The following SGCZ variants were observed in gnomAD, a reference collection of about 807,000 sequenced individuals.
SGCZ encodes the protein zeta-sarcoglycan.
In SGCZ, 40 loss-of-function variants were observed where a neutral mutation model predicts 41.3. The observed-to-expected ratio is 0.97, with a 90% confidence interval of 0.75 to 1.26. The LOEUF is 1.26. SGCZ is among the 50% of genes most tolerant of loss of function. SGCZ has a pLI of 0.00. For synonymous variants in SGCZ, 206 were observed against 137.5 expected (o/e 1.50, Z -3.49); for missense variants, 552 against 369.8 (o/e 1.49, Z -4.04).
chr8:14,213,736 A>G (rs544685719), intron 4 of SGCZ, among the ~76,000 whole-genome samples: 10 of 152,258 alleles, frequency 6.6e-5, no homozygotes, highest in African/African-American at 2.4e-4. Flanking sequence ...ATATGTATGA[A>G]TAAAATACTT....
intron 1 of SGCZ, among the ~76,000 whole-genome samples, chr8:14,829,749 G>A (rs1200109037): frequency 1.4e-5 from 2 of 142,364 alleles, no homozygotes; most frequent in Non-Finnish European, 3.0e-5. Flanking sequence ...GATTATTTAA[G>A]GGTTTTTTTA....
intron 1 of SGCZ, among the ~76,000 whole-genome samples, chr8:14,840,810 T>G (rs1320341262): frequency 5.3e-5 from 8 of 151,914 alleles, no homozygotes; most frequent in Non-Finnish European, 1.2e-4. Flanking sequence ...ATGAGACTTT[T>G]TAACCTCTTA....
At chr8:14,863,881 A>G (rs538647532) in intron 1 of SGCZ, among the ~76,000 whole-genome samples, 6 of 152,122 alleles carry the variant, frequency 3.9e-5, no homozygotes, top group African/African-American at 1.4e-4. Flanking sequence ...GAGGGCTGTG[A>G]TCTCTCTTTA....
At chr8:14,261,228 T>C (rs1799656196) in intron 3 of SGCZ, among the ~76,000 whole-genome samples, 1 of 152,180 alleles carries the variant, frequency 6.6e-6, no homozygotes, top group South Asian at 2.1e-4. Context: ...TACAGAGACA[T>C]CTGAGCTGCT....
chr8:14,745,646 CAT>C (rs944641785), intron 1 of SGCZ, among the ~76,000 whole-genome samples: 1 of 151,120 alleles, frequency 6.6e-6, no homozygotes, highest in Non-Finnish European at 1.5e-5. Flanking sequence ...TACACACACA[CAT>C]ATATATATAC....
intron 4 of SGCZ, among the ~76,000 whole-genome samples, chr8:14,223,216 C>A (rs932227720): frequency 1.3e-5 from 2 of 152,002 alleles, no homozygotes; most frequent in African/African-American, 4.8e-5. Flanking sequence ...TTTTCAATAC[C>A]TATACTAATT....
chr8:14,847,182 A>AGAAGAAGAG (rs1413121920), intron 1 of SGCZ, among the ~76,000 whole-genome samples: 69 of 147,314 alleles, frequency 4.7e-4, no homozygotes, highest in Admixed American at 8.7e-4. Context: ...AAGAAGAAGA[A>AGAAGAAGAG]GAAGAGAAAA....
chr8:14,727,886 T>G (rs1395396040), intron 1 of SGCZ, among the ~76,000 whole-genome samples: 1 of 152,134 alleles, frequency 6.6e-6, no homozygotes, highest in African/African-American at 2.4e-5. Context: ...GTTATTTGTG[T>G]TATACACATA....
intron 1 of SGCZ, among the ~76,000 whole-genome samples, chr8:14,628,949 C>T (rs1477024903): frequency 6.6e-6 from 1 of 152,096 alleles, no homozygotes; most frequent in Non-Finnish European, 1.5e-5. Context: ...GTGATTCACC[C>T]CATTTCTGAG....
At chr8:14,981,893 T>C (rs781380468) in intron 1 of SGCZ, among the ~76,000 whole-genome samples, 10 of 152,210 alleles carry the variant, frequency 6.6e-5, no homozygotes, top group Admixed American at 6.5e-5. Context: ...CTCACACCTG[T>C]AATCCCAGCA....
At chr8:14,737,437 C>G (rs1168796061) in intron 1 of SGCZ, among the ~76,000 whole-genome samples, 1 of 152,046 alleles carries the variant, frequency 6.6e-6, no homozygotes, top group African/African-American at 2.4e-5. Flanking sequence ...ATCCAAGTTT[C>G]TTAATTTCAA....
At chr8:14,199,343 C>T (rs187311725) in intron 4 of SGCZ, among the ~76,000 whole-genome samples, 3 of 152,266 alleles carry the variant, frequency 2.0e-5, no homozygotes, top group Admixed American at 6.5e-5. Flanking sequence ...TTTGGTCAGA[C>T]TGGTTGTCTG....
At chr8:14,221,541 C>G (rs549057545) in intron 4 of SGCZ, among the ~76,000 whole-genome samples, 1 of 152,136 alleles carries the variant, frequency 6.6e-6, no homozygotes, top group African/African-American at 2.4e-5. Flanking sequence ...ATTGCAGTTT[C>G]GACATAACAG....
At chr8:14,151,462 CAT>C (rs1803707692) in intron 5 of SGCZ, among the ~76,000 whole-genome samples, 4 of 151,554 alleles carry the variant, frequency 2.6e-5, no homozygotes, top group Admixed American at 6.6e-5. Context: ...AGTGAAAAGA[CAT>C]AACATTTTTA....
chr8:14,366,454 G>T (rs541952977), intron 2 of SGCZ, among the ~76,000 whole-genome samples: 1 of 152,046 alleles, frequency 6.6e-6, no homozygotes, highest in Non-Finnish European at 1.5e-5. Flanking sequence ...TTCCAACCAG[G>T]TCTCTTTCTA....
chr8:14,240,820 T>G (rs1400512674), intron 3 of SGCZ, among the ~76,000 whole-genome samples: 1 of 152,184 alleles, frequency 6.6e-6, no homozygotes, highest in African/African-American at 2.4e-5. Context: ...TGCTCATGCA[T>G]TTGAGGTTTA....
At position 14,501,611 on chromosome 8, in the gene SGCZ, GT is replaced by G. The variant is rs34304255; in HGVS notation, c.234+53120del. 2.1e-3 allele frequency among the ~76,000 whole-genome samples: 296 copies of G among 143,718 alleles called. 2 individuals carry two copies. Among genetic ancestry groups the G allele is most frequent in the African/African-American group, 6.7e-3 (262 of 39,210 alleles). The allele number at this position is 143,718 out of a possible 152,430, so 94.3% of individuals were successfully genotyped here. ...TGAAATTCATGATTTAGTTATCCAGGTTTTTTTTTTTTTCAGGTCCCTCAAA... is the reference window on the plus strand; with the variant it reads ...TGAAATTCATGATTTAGTTATCCAGGTTTTTTTTTTTTCAGGTCCCTCAAA... On this transcript the variant is annotated intron_variant, in intron 2 of 7. Coordinates refer to ENST00000382080, the MANE Select transcript of SGCZ (RefSeq NM_139167.4).
chr8:14,260,287 G>A (rs1487605092), intron 3 of SGCZ, among the ~76,000 whole-genome samples: 1 of 151,532 alleles, frequency 6.6e-6, no homozygotes. Context: ...GCGGGCGAAG[G>A]ACATGAACAG....
At chr8:14,883,232 A>G (rs1804661211) in intron 1 of SGCZ, among the ~76,000 whole-genome samples, 1 of 120,372 alleles carries the variant, frequency 8.3e-6, no homozygotes, top group African/African-American at 5.0e-5. Context: ...ATGTTGGGCT[A>G]CTTAAAAAAA....
Sources: gnomAD v4.1 joint callset for allele counts (sites outside exome capture counted in the v4.1 genomes callset) on GRCh38, gnomAD v4.1.1 for gene constraint, MANE v1.5 for transcripts, NCBI Gene and HGNC (gene_info 2026-07-23, HGNC 2026-07-21) for gene names.